CRYBA4: variants seen among roughly 807,000 people sequenced by gnomAD.
The protein encoded by CRYBA4 is beta-crystallin A4.
A neutral mutation model predicts 31.7 loss-of-function variants in CRYBA4; 30 were observed. The ratio of observed to expected loss-of-function variants is 0.95; its 90% CI spans 0.71 to 1.28. The LOEUF is 1.28. CRYBA4 is among the 50% of genes most tolerant of loss of function. CRYBA4 has a pLI of 0.00. For synonymous variants in CRYBA4, 102 were observed against 102.3 expected (o/e 1.00, Z 0.02); for missense variants, 225 against 260.7 (o/e 0.86, Z 0.94).
At chr22:26,614,903 G>A in the CRYBA4 span, among the ~76,000 whole-genome samples, 1 of 152,178 alleles carries the variant, frequency 6.6e-6, no homozygotes, top group Non-Finnish European at 1.5e-5. Flanking sequence ...GCATAAAATT[G>A]TATACAAAAG....
At chr22:26,604,035 T>C in the CRYBA4 span, among the ~76,000 whole-genome samples, 22 of 152,278 alleles carry the variant, frequency 1.4e-4, no homozygotes, top group African/African-American at 3.9e-4. Context: ...GTTTTTAAAG[T>C]TCGTCTGTTA....
the CRYBA4 span, chr22:26,607,814 C>T: frequency 5.6e-6 from 9 of 1,605,740 alleles, no homozygotes; most frequent in African/African-American, 2.7e-5. Flanking sequence ...CCTTCTTGCC[C>T]TTGTCAGATC....
At chr22:26,630,136 A>G (rs976801543) in intron 5 of CRYBA4, among the ~76,000 whole-genome samples, 12 of 152,242 alleles carry the variant, frequency 7.9e-5, no homozygotes, top group Non-Finnish European at 1.5e-4. Context: ...GTCTAGGAAA[A>G]GAAAGGCTGG....
intron 5 of CRYBA4, among the ~76,000 whole-genome samples, chr22:26,629,823 G>A (rs1032090811): frequency 6.6e-6 from 1 of 151,816 alleles, no homozygotes; most frequent in Non-Finnish European, 1.5e-5. Flanking sequence ...GGGAGAAAGG[G>A]GAAAGAACAA....
At chr22:26,613,303 G>C in the CRYBA4 span, among the ~76,000 whole-genome samples, 1 of 152,210 alleles carries the variant, frequency 6.6e-6, no homozygotes, top group African/African-American at 2.4e-5. Context: ...CCAGCTGTAA[G>C]AGGAGGGGAG....
At chr22:26,625,672 G>T in intron 4 of CRYBA4, 50 bp downstream of exon 4, 1 of 1,591,898 alleles carries the variant, frequency 6.3e-7, no homozygotes, top group Non-Finnish European at 8.6e-7. Context: ...CCCTCATGTG[G>T]GCACTTCGGA....
chr22:26,591,269 G>T, the CRYBA4 span, among the ~76,000 whole-genome samples: 4 of 151,978 alleles, frequency 2.6e-5, no homozygotes, highest in African/African-American at 9.7e-5. Context: ...TCAGGAGTTC[G>T]AGACCAGCCA....
chr22:26,625,746 A>G (rs1303608992), intron 4 of CRYBA4, 124 bp downstream of exon 4: 2 of 936,934 alleles, frequency 2.1e-6, no homozygotes, highest in African/African-American at 1.6e-5. Flanking sequence ...AGGGCTGTTC[A>G]GTCTCTTTCC....
chr22:26,600,085 G>C, the CRYBA4 span, among the ~76,000 whole-genome samples: 1 of 152,202 alleles, frequency 6.6e-6, no homozygotes, highest in Admixed American at 6.5e-5. Context: ...GCAAATGAAA[G>C]AGAGGAAGTG....
At chr22:26,619,271 C>T (rs993671856), upstream of CRYBA4, among the ~76,000 whole-genome samples, 19 of 152,014 alleles carry the variant, frequency 1.2e-4, no homozygotes, top group Non-Finnish European at 2.4e-4. Flanking sequence ...AGTGAAGGAG[C>T]GAGAGACGGA....
intron 2 of CRYBA4, among the ~76,000 whole-genome samples, 197 bp from the exon 3 acceptor site, chr22:26,623,037 G>A (rs1483202495): frequency 6.6e-6 from 1 of 152,218 alleles, no homozygotes; most frequent in Non-Finnish European, 1.5e-5. Flanking sequence ...GGTGGCACTG[G>A]GAAGAGGCCA....
chr22:26,628,168 C>T (rs922126861), intron 4 of CRYBA4, 120 bp from the exon 5 acceptor site: 4 of 1,457,128 alleles, frequency 2.7e-6, no homozygotes, highest in Non-Finnish European at 3.8e-6. Context: ...ATTGCCCTTC[C>T]AAAAGGTTTG....
chr22:26,617,636 CTCTA>C (rs768985501), upstream of CRYBA4, among the ~76,000 whole-genome samples: 6 of 152,150 alleles, frequency 3.9e-5, no homozygotes, highest in African/African-American at 7.2e-5. Flanking sequence ...GTCTTTGCCT[CTCTA>C]TCTGTTTCTT....
chr22:26,604,556 A>G, the CRYBA4 span, among the ~76,000 whole-genome samples: 1 of 152,212 alleles, frequency 6.6e-6, no homozygotes, highest in African/African-American at 2.4e-5. Flanking sequence ...AAGAAGTGAC[A>G]CTAGAGAGGG....
upstream of CRYBA4, among the ~76,000 whole-genome samples, chr22:26,618,556 C>T (rs1929437594): frequency 6.6e-6 from 1 of 152,206 alleles, no homozygotes; most frequent in South Asian, 2.1e-4. Flanking sequence ...TTACGGAGTG[C>T]TTACTGTGTG....
At chr22:26,619,703 G>A (rs928963243), upstream of CRYBA4, among the ~76,000 whole-genome samples, 4 of 152,194 alleles carry the variant, frequency 2.6e-5, no homozygotes, top group African/African-American at 7.2e-5. Context: ...TTGGTGGGTG[G>A]GGTGTGGGCA....
the CRYBA4 span, among the ~76,000 whole-genome samples, chr22:26,603,536 A>G: frequency 6.7e-6 from 1 of 150,102 alleles, no homozygotes; most frequent in South Asian, 2.1e-4. Flanking sequence ...TCAAACAACA[A>G]CAACAAAAAA....
chr22:26,627,368 C>CTTTCTTTCT (rs1388719328), intron 4 of CRYBA4, among the ~76,000 whole-genome samples: 1 of 41,406 alleles, frequency 2.4e-5, no homozygotes. Context: ...TCCTTTCTTT[C>CTTTCTTTCT]TTTCTTTCTT....
At chr22:26,628,851 G>A (rs940893313) in intron 5 of CRYBA4, among the ~76,000 whole-genome samples, 1 of 152,148 alleles carries the variant, frequency 6.6e-6, no homozygotes, top group Non-Finnish European at 1.5e-5. Context: ...AAGGTTCCAA[G>A]AAAGGTGCTC....
Sources: gnomAD v4.1 joint callset for allele counts (sites outside exome capture counted in the v4.1 genomes callset) on GRCh38, gnomAD v4.1.1 for gene constraint, MANE v1.5 for transcripts, NCBI Gene and HGNC (gene_info 2026-07-23, HGNC 2026-07-21) for gene names.